The following MAP3K13 variants were observed in gnomAD, a reference collection of about 807,000 sequenced individuals.
The protein encoded by MAP3K13 is leucine zipper-bearing kinase.
MAP3K13 carries 52 observed loss-of-function variants against 104.0 expected under a neutral mutation model. The ratio of observed to expected loss-of-function variants is 0.50; its 90% CI spans 0.40 to 0.63. MAP3K13 has a LOEUF of 0.63. Ranked by LOEUF, MAP3K13 falls within the 20% of genes least tolerant of loss-of-function variation. The probability of loss-of-function intolerance (pLI) is 0.00; values close to 1 mark genes in which losing one functional copy is unlikely to be tolerated. For missense variants in MAP3K13, 914 were observed against 1,218.5 expected, an observed-to-expected ratio of 0.75 and a Z score of 3.72; for synonymous variants, 394 against 442.2, an observed-to-expected ratio of 0.89 and a Z score of 1.37.
At chr3:185,363,983 A>G (rs1368142769) in intron 1 of MAP3K13, among the ~76,000 whole-genome samples, 1 of 152,238 alleles carries the variant, frequency 6.6e-6, no homozygotes, top group Admixed American at 6.5e-5. Flanking sequence ...TTATAGTGTC[A>G]AAAACTTAAA....
intron 3 of MAP3K13, among the ~76,000 whole-genome samples, chr3:185,442,321 G>GAA (rs566626069): frequency 6.2e-5 from 9 of 145,058 alleles, no homozygotes; most frequent in South Asian, 2.2e-4. Context: ...TGTCTGACAT[G>GAA]AAAAAAAAAA....
In MAP3K13 at chr3:185,454,346, G is replaced by T. The variant is rs1226165823; in HGVS notation, c.1278+2951G>T. On this transcript the variant is annotated intron_variant, in intron 7 of 13. Coordinates refer to ENST00000265026, the MANE Select transcript of MAP3K13 (RefSeq NM_004721.5). The stretch of plus-strand genomic sequence containing the variant: ...TATGAGATATATATGATATATATGA[G>T]ATATATGAGATATATATGAGATATA... 6.0e-4 allele frequency among the ~76,000 whole-genome samples: 27 copies of T among 44,924 alleles called. 8 individuals carry two copies. The highest frequency in any genetic ancestry group is 1.1e-3 in the African/African-American group (18 of 15,828). The allele number at this position is 44,924 out of a possible 152,430, so 29.5% of individuals were successfully genotyped here.
intron 1 of MAP3K13, among the ~76,000 whole-genome samples, chr3:185,421,863 C>A (rs895471290): frequency 6.6e-6 from 1 of 152,206 alleles, no homozygotes; most frequent in African/African-American, 2.4e-5. Flanking sequence ...TAGCTTCCTA[C>A]ACTCTTCTTA....
intron 2 of MAP3K13, among the ~76,000 whole-genome samples, chr3:185,348,301 T>C (rs1204033038): frequency 4.6e-5 from 7 of 152,206 alleles, no homozygotes; most frequent in Non-Finnish European, 1.0e-4. Flanking sequence ...TGACCATTTA[T>C]TATGGAGCCT....
At chr3:185,452,451 G>T (rs1268909824) in intron 7 of MAP3K13, among the ~76,000 whole-genome samples, 1 of 152,114 alleles carries the variant, frequency 6.6e-6, no homozygotes, top group Non-Finnish European at 1.5e-5. Flanking sequence ...TGCCCAGGCT[G>T]GTCTCAAACT....
intron 1 of MAP3K13, among the ~76,000 whole-genome samples, chr3:185,411,781 CTTTTTTTTT>C (rs67723912): frequency 1.1e-5 from 1 of 94,060 alleles, no homozygotes; most frequent in Admixed American, 1.1e-4. Flanking sequence ...GCAGTTATGT[CTTTTTTTTT>C]TTTTTTTTTT....
chr3:185,362,267 A>G (rs764584557), upstream of MAP3K13, among the ~76,000 whole-genome samples: 9 of 152,218 alleles, frequency 5.9e-5, no homozygotes, highest in South Asian at 2.1e-4. Context: ...AAATATATTC[A>G]TCTCCAATTT....
intron 12 of MAP3K13, among the ~76,000 whole-genome samples, chr3:185,479,846 A>G (rs956855507): frequency 1.3e-5 from 2 of 152,154 alleles, no homozygotes; most frequent in African/African-American, 2.4e-5. Flanking sequence ...GTTTCCTCAC[A>G]TGGTCTTTGC....
chr3:185,382,806 C>T (rs2108760371), intron 1 of MAP3K13, among the ~76,000 whole-genome samples: 1 of 152,238 alleles, frequency 6.6e-6, no homozygotes, highest in Non-Finnish European at 1.5e-5. Flanking sequence ...GAGATCAAGA[C>T]CATCCTGGCT....
intron 1 of MAP3K13, among the ~76,000 whole-genome samples, chr3:185,424,085 G>A (rs1359358761): frequency 6.6e-6 from 1 of 152,188 alleles, no homozygotes; most frequent in Non-Finnish European, 1.5e-5. Flanking sequence ...TAGTCTGTGA[G>A]CTTCAACAGG....
chr3:185,398,571 A>C (rs977893916), intron 1 of MAP3K13, among the ~76,000 whole-genome samples: 7 of 152,316 alleles, frequency 4.6e-5, no homozygotes, highest in African/African-American at 1.7e-4. Flanking sequence ...AGCAGGGACT[A>C]TTTCTTTCTT....
intron 2 of MAP3K13, among the ~76,000 whole-genome samples, chr3:185,431,979 T>C (rs1285263466): frequency 6.6e-6 from 1 of 152,098 alleles, no homozygotes; most frequent in African/African-American, 2.4e-5. Context: ...CTTTCATACA[T>C]ACTCCGACAC....
chr3:185,337,321 G>T (rs1308932562), intron 2 of MAP3K13, among the ~76,000 whole-genome samples: 1 of 152,216 alleles, frequency 6.6e-6, no homozygotes, highest in Non-Finnish European at 1.5e-5. Flanking sequence ...TACAAACTTA[G>T]AAGAAGCAAC....
At chr3:185,477,227 T>G (rs1305021005) in intron 11 of MAP3K13, 99 bp from the exon 12 acceptor site, 1 of 787,470 alleles carries the variant, frequency 1.3e-6, no homozygotes, top group Non-Finnish European at 2.2e-6. Context: ...AATGAATGAC[T>G]TTTGATGATA....
At chr3:185,301,072 A>G (rs1357421827) in intron 2 of MAP3K13, among the ~76,000 whole-genome samples, 2 of 151,948 alleles carry the variant, frequency 1.3e-5, no homozygotes, top group African/African-American at 4.8e-5. Context: ...CCAACAGTGT[A>G]CAGAGACTCC....
In MAP3K13 at chr3:185,418,036, C is replaced by G; in HGVS notation, c.-85-10461C>G. On this transcript the variant is annotated intron_variant, in intron 1 of 13. Coordinates refer to ENST00000265026, the MANE Select transcript of MAP3K13 (RefSeq NM_004721.5). The surrounding 1 kb of genome is among the most constrained non-coding windows in gnomAD (Gnocchi z 4.5). The stretch of plus-strand genomic sequence containing the variant: ...AGCACTTTCAGTCCAAATGCAGAAA[C>G]GTCCCACATGCCCACCAGGAGCAAG... 1 of 1,611,762 alleles carries G rather than the reference C, an allele frequency of 6.2e-7. No homozygotes were observed. Among genetic ancestry groups the G allele is most frequent in the East Asian group, 2.2e-5 (1 of 44,888 alleles).
chr3:185,319,820 C>T (rs113437478), intron 2 of MAP3K13, among the ~76,000 whole-genome samples: 1 of 152,108 alleles, frequency 6.6e-6, no homozygotes, highest in Non-Finnish European at 1.5e-5. Context: ...TTTGCTTTCT[C>T]GAAACATGAT....
chr3:185,387,976 C>T (rs1350235349), intron 1 of MAP3K13, among the ~76,000 whole-genome samples: 1 of 151,874 alleles, frequency 6.6e-6, no homozygotes, highest in South Asian at 2.1e-4. Flanking sequence ...TTGCAGGATA[C>T]GAAAATCAAC....
At chr3:185,441,206 T>G (rs746775718) in intron 3 of MAP3K13, among the ~76,000 whole-genome samples, 1 of 152,212 alleles carries the variant, frequency 6.6e-6, no homozygotes, top group Non-Finnish European at 1.5e-5. Flanking sequence ...ATTTATCTTA[T>G]GGTAATTTGG....
Sources: allele counts gnomAD v4.1 joint callset (sites outside exome capture counted in the v4.1 genomes callset), GRCh38; gene constraint gnomAD v4.1.1; non-coding constraint Gnocchi (gnomAD v3.1); transcripts MANE v1.5; gene names NCBI Gene and HGNC (gene_info 2026-07-23, HGNC 2026-07-21).